The following EDA variants were observed in gnomAD, a reference collection of about 807,000 sequenced individuals.
The protein encoded by EDA is ectodysplasin-A.
EDA carries 2 observed loss-of-function variants against 23.6 expected under a neutral mutation model. That is an observed-to-expected ratio of 0.08 (90% CI 0.03 to 0.27). EDA has a LOEUF of 0.27. Among genes scored for constraint, EDA ranks in the 10% least tolerant of loss-of-function variants. The probability of loss-of-function intolerance (pLI) is 1.00; values close to 1 mark genes in which losing one functional copy is unlikely to be tolerated. For synonymous variants in EDA, 131 were observed against 132.0 expected (o/e 0.99, Z 0.05); for missense variants, 229 against 324.2 (o/e 0.71, Z 2.26).
chrX:69,781,518 G>A (rs1003053760), intron 1 of EDA, among the ~76,000 whole-genome samples: 5 of 111,823 alleles, frequency 4.5e-5, no homozygotes, highest in Non-Finnish European at 9.4e-5. Flanking sequence ...GATACAGACT[G>A]TATGACTCAA....
At chrX:69,692,032 A>G (rs1934723412) in intron 1 of EDA, among the ~76,000 whole-genome samples, 1 of 111,507 alleles carries the variant, frequency 9.0e-6, no homozygotes, top group Non-Finnish European at 1.9e-5. Flanking sequence ...CCAGACTTTG[A>G]GTCAATGAAA....
chrX:69,805,456 A>T (rs1013011739), intron 1 of EDA, among the ~76,000 whole-genome samples: 11 of 111,703 alleles, frequency 9.8e-5, no homozygotes, highest in Admixed American at 3.8e-4. Flanking sequence ...AAAGCTGGGT[A>T]TATCCTCTCT....
At chrX:69,872,829 C>T (rs892654716) in intron 1 of EDA, among the ~76,000 whole-genome samples, 1 of 111,400 alleles carries the variant, frequency 9.0e-6, no homozygotes, top group Non-Finnish European at 1.9e-5. Flanking sequence ...ACTGACAGCA[C>T]TAGACAGGTC....
chrX:69,744,398 C>T (rs952041390), intron 1 of EDA, among the ~76,000 whole-genome samples: 2 of 111,823 alleles, frequency 1.8e-5, no homozygotes, highest in African/African-American at 6.5e-5. Context: ...TCTGAAGCCC[C>T]GTGTTTCCCA....
chrX:69,718,797 G>C (rs1282319156), intron 1 of EDA, among the ~76,000 whole-genome samples: 3 of 111,182 alleles, frequency 2.7e-5, no homozygotes, highest in Non-Finnish European at 5.7e-5. Flanking sequence ...TTGGTATGAA[G>C]ATAACACTAC....
intron 1 of EDA, among the ~76,000 whole-genome samples, chrX:69,645,225 G>A (rs749299925): frequency 1.3e-3 from 144 of 109,838 alleles, no homozygotes; most frequent in African/African-American, 4.7e-3. Flanking sequence ...GAACCTGTGT[G>A]GTCCTGGGCT....
intron 1 of EDA, among the ~76,000 whole-genome samples, chrX:69,707,371 G>A (rs1013436070): frequency 8.9e-6 from 1 of 111,952 alleles, no homozygotes; most frequent in Non-Finnish European, 1.9e-5. Flanking sequence ...TGAAGCCTTT[G>A]GGGGCTTCTT....
rs1383621450 is a variant in EDA, at chrX:69,987,012, A to G, written c.502+29880A>G. Among the ~76,000 whole-genome samples, 148 of 80,118 alleles carry G rather than the reference A, an allele frequency of 1.8e-3. 4 individuals are homozygous for G. The highest frequency in any genetic ancestry group is 7.3e-3 in the African/African-American group (140 of 19,213). The allele number at this position is 80,118 out of a possible 115,157, so 69.6% of individuals were successfully genotyped here. ...AATTGGAAACCATTATTCTCAGTAA[A>G]CTATCGCAAGAACAAAAAACCAAAC... On this transcript the variant is annotated intron_variant, in intron 2 of 7. Transcript: ENST00000374552.
At position 69,795,369 on chromosome X, in the gene EDA, A is replaced by G. The variant is rs991675978; in HGVS notation, c.397-161658A>G. On this transcript the variant is annotated intron_variant, in intron 1 of 7. Coordinates refer to ENST00000374552, the MANE Select transcript of EDA (RefSeq NM_001399.5). ...TTTTCTGTTCTTAGAACTTTTTCCA[A>G]ATTTTTCTTCTTAAAATAAACATAA... Among the ~76,000 whole-genome samples the G allele has an allele frequency of 2.7e-5, 3 of 112,264 alleles. No homozygotes were observed. In the Admixed American group the frequency reaches 2.8e-4, roughly 11 times the overall value.
At chrX:69,763,035 G>C (rs1161593950) in intron 1 of EDA, among the ~76,000 whole-genome samples, 1 of 112,243 alleles carries the variant, frequency 8.9e-6, no homozygotes, top group African/African-American at 3.2e-5. Context: ...CCATTTTATG[G>C]CTTTGAATTG....
At chrX:69,719,757 T>C (rs1602333042) in intron 1 of EDA, among the ~76,000 whole-genome samples, 3 of 104,340 alleles carry the variant, frequency 2.9e-5, no homozygotes, top group Non-Finnish European at 4.0e-5. Context: ...ATTTTCTTTC[T>C]TTTTTTTTTT....
At chrX:69,886,996 T>G (rs1008443212) in intron 1 of EDA, among the ~76,000 whole-genome samples, 1 of 111,665 alleles carries the variant, frequency 9.0e-6, no homozygotes, top group African/African-American at 3.3e-5. Flanking sequence ...ACAAATAAAG[T>G]TCCAATTACT....
intron 1 of EDA, among the ~76,000 whole-genome samples, chrX:69,877,848 C>T (rs911015618): frequency 8.9e-6 from 1 of 112,441 alleles, no homozygotes; most frequent in African/African-American, 3.2e-5. Context: ...GTATATGGTG[C>T]AAAGCATGAG....
chrX:69,834,433 G>GA (rs2016711628), intron 1 of EDA, among the ~76,000 whole-genome samples: 1 of 110,981 alleles, frequency 9.0e-6, no homozygotes, highest in Non-Finnish European at 1.9e-5. Context: ...TCTTCTTGTT[G>GA]AATTGATCCC....
intron 1 of EDA, among the ~76,000 whole-genome samples, chrX:69,712,485 A>G (rs1010612621): frequency 2.7e-5 from 3 of 111,665 alleles, no homozygotes; most frequent in Non-Finnish European, 5.6e-5. Context: ...GGCCATCAGA[A>G]AAATGCAAAT....
intron 1 of EDA, among the ~76,000 whole-genome samples, chrX:69,711,179 C>T (rs1380532493): frequency 1.8e-5 from 2 of 110,863 alleles, no homozygotes; most frequent in Admixed American, 9.6e-5. Flanking sequence ...CAATACCTAA[C>T]TTATTGAGAG....
At chrX:69,695,792 C>T (rs1257197327) in intron 1 of EDA, among the ~76,000 whole-genome samples, 1 of 109,782 alleles carries the variant, frequency 9.1e-6, no homozygotes, top group African/African-American at 3.3e-5. Flanking sequence ...CAGGCATGAG[C>T]CACTGCACCC....
At chrX:69,853,199 G>T (rs775640727) in intron 1 of EDA, among the ~76,000 whole-genome samples, 6 of 111,746 alleles carry the variant, frequency 5.4e-5, no homozygotes, top group Non-Finnish European at 1.1e-4. Flanking sequence ...AGGTATAGGA[G>T]ACTATCAAAT....
At chrX:69,817,010 G>A (rs952192865) in intron 1 of EDA, among the ~76,000 whole-genome samples, 3 of 111,419 alleles carry the variant, frequency 2.7e-5, no homozygotes, top group Non-Finnish European at 5.6e-5. Context: ...ACTAACAGCG[G>A]ACCTCTCAGT....
Sources: gnomAD v4.1 joint callset for allele counts (sites outside exome capture counted in the v4.1 genomes callset) on GRCh38, gnomAD v4.1.1 for gene constraint, MANE v1.5 for transcripts, NCBI Gene and HGNC (gene_info 2026-07-23, HGNC 2026-07-21) for gene names.